DOCK9: variants seen among roughly 807,000 people sequenced by gnomAD.
DOCK9 encodes dedicator of cytokinesis 9.
Under a neutral mutation model 263.3 loss-of-function variants are expected in DOCK9, and 89 were observed. That is an observed-to-expected ratio of 0.34 (90% CI 0.28 to 0.40). The LOEUF (loss-of-function observed/expected upper bound fraction) is 0.40, where lower values mean the gene tolerates loss of function less well. Ranked by LOEUF, DOCK9 falls within the 10% of genes least tolerant of loss-of-function variation. The pLI is 1.00. For missense variants in DOCK9, 2,140 were observed against 2,603.4 expected, an observed-to-expected ratio of 0.82 and a Z score of 3.87; for synonymous variants, 976 against 973.1, an observed-to-expected ratio of 1.00 and a Z score of -0.06.
intron 35 of DOCK9, among the ~76,000 whole-genome samples, chr13:98,852,019 A>G (rs1438101978): frequency 1.3e-5 from 2 of 152,232 alleles, no homozygotes; most frequent in Admixed American, 1.3e-4. Context: ...TTAAAGAATA[A>G]CTTTTACTTG....
At chr13:98,989,287 G>A (rs1343282732) in intron 1 of DOCK9, among the ~76,000 whole-genome samples, 3 of 150,862 alleles carry the variant, frequency 2.0e-5, no homozygotes, top group Non-Finnish European at 4.4e-5. Flanking sequence ...TCTGCCTCAA[G>A]TCATTTTGGG....
At chr13:98,981,567 C>G (rs186069066), upstream of DOCK9, among the ~76,000 whole-genome samples, 2 of 152,182 alleles carry the variant, frequency 1.3e-5, no homozygotes, top group South Asian at 2.1e-4. Flanking sequence ...CTGAGTCCAC[C>G]GCCTTCCAGC....
chr13:99,037,525 A>C (rs1455113566), intron 1 of DOCK9, among the ~76,000 whole-genome samples: 1 of 152,220 alleles, frequency 6.6e-6, no homozygotes, highest in Non-Finnish European at 1.5e-5. Context: ...ATATAAAACG[A>C]TATAACTACC....
chr13:98,864,866 T>C (rs2093976165), intron 30 of DOCK9, among the ~76,000 whole-genome samples: 1 of 152,114 alleles, frequency 6.6e-6, no homozygotes, highest in Non-Finnish European at 1.5e-5. Flanking sequence ...TTTGAGTTCA[T>C]GCGAGATCTG....
chr13:98,954,365 C>T (rs1245703231), intron 2 of DOCK9, among the ~76,000 whole-genome samples: 2 of 152,102 alleles, frequency 1.3e-5, no homozygotes, highest in African/African-American at 4.8e-5. Context: ...GGATCAGGTC[C>T]CAGGAGAGCA....
chr13:98,913,866 T>G (rs1211650617), intron 9 of DOCK9, among the ~76,000 whole-genome samples: 2 of 152,112 alleles, frequency 1.3e-5, no homozygotes, highest in East Asian at 3.9e-4. Context: ...AATAGCTTAT[T>G]TTTTTTCCAG....
chr13:98,827,331 T>A (rs1363673187), intron 43 of DOCK9, among the ~76,000 whole-genome samples: 1 of 152,266 alleles, frequency 6.6e-6, no homozygotes, highest in Admixed American at 6.5e-5. Context: ...GAGCAAGTTA[T>A]AATTTTTTCC....
At chr13:99,026,654 G>A (rs1206756340) in intron 1 of DOCK9, among the ~76,000 whole-genome samples, 2 of 152,102 alleles carry the variant, frequency 1.3e-5, no homozygotes, top group East Asian at 3.9e-4. Flanking sequence ...TTTTGCAGAT[G>A]TTTTCCCACA....
intron 2 of DOCK9, among the ~76,000 whole-genome samples, chr13:98,948,954 G>A (rs1051322385): frequency 6.6e-6 from 1 of 152,004 alleles, no homozygotes; most frequent in Non-Finnish European, 1.5e-5. Flanking sequence ...TTTATCCCTC[G>A]ATGGACACTT....
At chr13:98,835,958 G>T (rs1305320584) in intron 39 of DOCK9, among the ~76,000 whole-genome samples, 2 of 151,918 alleles carry the variant, frequency 1.3e-5, no homozygotes, top group Admixed American at 6.6e-5. Context: ...GAATGGTCTC[G>T]ATCTCCTGAC....
intron 15 of DOCK9, among the ~76,000 whole-genome samples, chr13:98,891,764 C>A (rs1294672660): frequency 1.3e-5 from 2 of 151,464 alleles, no homozygotes; most frequent in African/African-American, 4.8e-5. Context: ...TGTTTCCAAG[C>A]ACATTTCTGA....
intron 2 of DOCK9, among the ~76,000 whole-genome samples, chr13:98,940,796 G>A (rs191552262): frequency 1.3e-5 from 2 of 152,120 alleles, no homozygotes; most frequent in African/African-American, 4.8e-5. Context: ...TACCCACAGC[G>A]ATGCACAAAC....
intron 1 of DOCK9, among the ~76,000 whole-genome samples, chr13:99,028,349 T>G (rs1415943556): frequency 6.6e-6 from 1 of 151,894 alleles, no homozygotes; most frequent in Non-Finnish European, 1.5e-5. Context: ...AGTACTTCTA[T>G]CTCCAACAGC....
chr13:98,872,123 G>C (rs1298885447), intron 27 of DOCK9: 1 of 152,414 alleles, frequency 6.6e-6, no homozygotes, highest in East Asian at 1.9e-4. Flanking sequence ...ACTTCGGAAT[G>C]GTCTTCAAAT....
rs2089049110 is a variant in DOCK9, at chr13:98,794,229, C to A, written c.*397G>T. ...AAAAAAAAATATTTTCAAGATTTTC[C>A]AGCTCAGCCTCGAGGCAAAAGGTCC... On this transcript the variant is annotated 3_prime_UTR_variant, in exon 53 of 53. Coordinates refer to ENST00000682017, the MANE Select transcript of DOCK9 (RefSeq NM_001366683.2). 5.7e-6 allele frequency: 1 copy of A among 176,822 alleles called. No homozygotes were observed. The highest frequency in any genetic ancestry group is 1.2e-5 in the Non-Finnish European group (1 of 84,712). The allele number at this position is 176,822 out of a possible 1,614,324, so 11.0% of individuals were successfully genotyped here.
At chr13:98,843,995 G>A (rs529516861) in intron 38 of DOCK9, among the ~76,000 whole-genome samples, 2 of 152,308 alleles carry the variant, frequency 1.3e-5, no homozygotes, top group East Asian at 3.9e-4. Context: ...CAAAGTTTAA[G>A]CATTTATTTC....
At chr13:98,928,018 AAC>A (rs869255192) in intron 3 of DOCK9, among the ~76,000 whole-genome samples, 64 of 139,412 alleles carry the variant, frequency 4.6e-4, no homozygotes, top group Non-Finnish European at 6.6e-4. Flanking sequence ...AAAAAAAAAA[AAC>A]AAAAAAAAAC....
rs2092665683 is a variant in DOCK9 at position 98,829,215 on chromosome 13, T to C, written c.4965+92A>G. Reference sequence around the variant, plus strand: ...ATACTTTTAATTGGTTTTTGATTAATGGAATAACTTTTCTCAAAACTGGCT... The same window carrying C: ...ATACTTTTAATTGGTTTTTGATTAACGGAATAACTTTTCTCAAAACTGGCT... On this transcript the variant is annotated intron_variant, in intron 43 of 52. Coordinates refer to ENST00000682017, the MANE Select transcript of DOCK9 (RefSeq NM_001366683.2). The surrounding 1 kb of genome is among the most constrained non-coding windows in gnomAD (Gnocchi z 4.1). 1 of 1,191,330 alleles carries C rather than the reference T, an allele frequency of 8.4e-7. No individual in the cohort carries two copies. The highest frequency in any genetic ancestry group is 1.2e-6 in the Non-Finnish European group (1 of 853,934). 73.8% of individuals were successfully genotyped at this position (1,191,330 alleles called of 1,614,324 possible).
At chr13:98,909,764 G>C (rs2049715974) in intron 9 of DOCK9, among the ~76,000 whole-genome samples, 1 of 152,124 alleles carries the variant, frequency 6.6e-6, no homozygotes, top group African/African-American at 2.4e-5. Flanking sequence ...ACTTATTATA[G>C]ACTTGGTTTA....
Sources: gnomAD v4.1 joint callset for allele counts (sites outside exome capture counted in the v4.1 genomes callset) on GRCh38, gnomAD v4.1.1 for gene constraint, Gnocchi (gnomAD v3.1) non-coding constraint, MANE v1.5 for transcripts, NCBI Gene and HGNC (gene_info 2026-07-23, HGNC 2026-07-21) for gene names.